Variants in PDE11A observed in about 807,000 individuals in gnomAD.
PDE11A encodes the protein phosphodiesterase 11A, also known as dual 3',5'-cyclic-AMP and -GMP phosphodiesterase 11A.
In PDE11A, 100 loss-of-function variants were observed where a neutral mutation model predicts 100.5. The observed-to-expected ratio is 1.00, with a 90% CI of 0.85 to 1.18. The LOEUF is 1.18. Ranked by LOEUF, PDE11A falls within the 50% of genes most tolerant of loss-of-function variation. PDE11A has a pLI of 0.00. For missense variants in PDE11A, 1,141 were observed against 1,152.6 expected (o/e 0.99, Z 0.15); for synonymous variants, 381 against 420.8 (o/e 0.91, Z 1.16).
chr2:177,885,731 A>G (rs1440677874), intron 4 of PDE11A, among the ~76,000 whole-genome samples: 1 of 152,166 alleles, frequency 6.6e-6, no homozygotes, highest in Non-Finnish European at 1.5e-5. Context: ...GAACAATCGG[A>G]GGATGCTCGC....
chr2:177,909,735 T>A (rs930343592), intron 2 of PDE11A, among the ~76,000 whole-genome samples: 1 of 152,196 alleles, frequency 6.6e-6, no homozygotes, highest in Non-Finnish European at 1.5e-5. Flanking sequence ...AGTTTTATTT[T>A]TTTTCCAAAG....
chr2:177,648,824 T>C (rs1244171291), intron 19 of PDE11A, among the ~76,000 whole-genome samples: 1 of 152,066 alleles, frequency 6.6e-6, no homozygotes, highest in Admixed American at 6.5e-5. Context: ...TGAAGAAAAC[T>C]AGGTAAGATA....
intron 9 of PDE11A, among the ~76,000 whole-genome samples, chr2:177,789,079 A>C (rs1490561583): frequency 6.6e-6 from 1 of 152,214 alleles, no homozygotes; most frequent in East Asian, 1.9e-4. Context: ...GGGCAGAGAC[A>C]CAACCAAAAA....
chr2:177,647,654 A>G (rs1257507366), intron 19 of PDE11A, among the ~76,000 whole-genome samples: 2 of 152,216 alleles, frequency 1.3e-5, no homozygotes, highest in Non-Finnish European at 2.9e-5. Context: ...GGGAGGAACC[A>G]TCAAGTCCAT....
At chr2:177,823,224 T>C (rs2083169745) in intron 6 of PDE11A, among the ~76,000 whole-genome samples, 1 of 152,162 alleles carries the variant, frequency 6.6e-6, no homozygotes, top group African/African-American at 2.4e-5. Context: ...TTGCTTAGTA[T>C]TGAGGATAGA....
chr2:177,774,396 A>C (rs889334936), intron 9 of PDE11A, among the ~76,000 whole-genome samples: 2 of 152,212 alleles, frequency 1.3e-5, no homozygotes, highest in Admixed American at 1.3e-4. Flanking sequence ...ATTTCTTGCC[A>C]ACAAATCCAT....
At position 178,065,578 on chromosome 2, in the gene PDE11A, A is replaced by G. The variant is rs186462176; in HGVS notation, c.912+5948T>C. Among the ~76,000 whole-genome samples the G allele has an allele frequency of 1.5e-3, 231 of 152,358 alleles. 2 individuals are homozygous for G. The highest frequency in any genetic ancestry group is 5.2e-3 in the African/African-American group (217 of 41,580). On this transcript the variant is annotated intron_variant, in intron 1 of 19. Transcript: ENST00000286063. ...TGTCAGGAAGAGAGGCTGAAATAGC[A>G]GAGTTTCCTACTTCAAACACAAAAT...
chr2:178,052,106 G>C (rs2086836219), intron 1 of PDE11A, among the ~76,000 whole-genome samples: 1 of 152,082 alleles, frequency 6.6e-6, no homozygotes, highest in Admixed American at 6.6e-5. Context: ...TGACCACATA[G>C]TTGGAAGTAC....
intron 19 of PDE11A, among the ~76,000 whole-genome samples, chr2:177,648,191 G>A (rs1027730150): frequency 6.6e-6 from 1 of 152,136 alleles, no homozygotes; most frequent in East Asian, 1.9e-4. Context: ...TATGTCTGAG[G>A]AGGATATTGT....
chr2:177,769,140 ACT>A (rs2082276921), intron 10 of PDE11A, among the ~76,000 whole-genome samples, 181 bp downstream of exon 10: 1 of 152,136 alleles, frequency 6.6e-6, no homozygotes. Flanking sequence ...TAAAATGACT[ACT>A]CAGTTATACA....
chr2:177,853,706 G>GTA (rs1558974064), intron 5 of PDE11A, among the ~76,000 whole-genome samples: 1 of 56,354 alleles, frequency 1.8e-5, no homozygotes, highest in African/African-American at 6.2e-5. Flanking sequence ...GTGTGTGTGT[G>GTA]TGTGTGTTTG....
intron 10 of PDE11A, among the ~76,000 whole-genome samples, chr2:177,759,453 A>T (rs771838947): frequency 1.3e-5 from 2 of 152,228 alleles, no homozygotes; most frequent in Non-Finnish European, 2.9e-5. Flanking sequence ...TGCCTTAAAC[A>T]TAAGACTTTA....
chr2:177,801,310 G>C (rs986951812), intron 9 of PDE11A, among the ~76,000 whole-genome samples: 1 of 151,962 alleles, frequency 6.6e-6, no homozygotes, highest in Non-Finnish European at 1.5e-5. Context: ...CTTGTCTACT[G>C]CCTGTCTTAC....
intron 9 of PDE11A, among the ~76,000 whole-genome samples, chr2:177,798,108 A>C (rs969348151): frequency 6.6e-6 from 1 of 152,128 alleles, no homozygotes; most frequent in East Asian, 1.9e-4. Flanking sequence ...AGTTCTCCCT[A>C]CTTTTACCTA....
chr2:177,672,920 A>T (rs755000835), intron 17 of PDE11A, among the ~76,000 whole-genome samples: 5 of 152,226 alleles, frequency 3.3e-5, no homozygotes, highest in Non-Finnish European at 7.3e-5. Context: ...ATCTGAATGA[A>T]TTAGGTAGTT....
chr2:177,649,022 T>C (rs1366673672), intron 19 of PDE11A, among the ~76,000 whole-genome samples: 1 of 152,100 alleles, frequency 6.6e-6, no homozygotes, highest in Non-Finnish European at 1.5e-5. Context: ...ACTAAAAATA[T>C]GATCATACTT....
chr2:177,969,017 C>T (rs2085734598), intron 2 of PDE11A, among the ~76,000 whole-genome samples: 1 of 152,088 alleles, frequency 6.6e-6, no homozygotes. Flanking sequence ...TGGAACCAAC[C>T]CAAATGTCCA....
At chr2:177,993,993 T>G (rs1389957993) in intron 2 of PDE11A, among the ~76,000 whole-genome samples, 1 of 148,596 alleles carries the variant, frequency 6.7e-6, no homozygotes, top group African/African-American at 2.5e-5. Flanking sequence ...TGAAGTGCAA[T>G]GGAGCAATCT....
intron 4 of PDE11A, among the ~76,000 whole-genome samples, chr2:177,893,921 C>G (rs1463317213): frequency 6.6e-6 from 1 of 152,010 alleles, no homozygotes; most frequent in Admixed American, 6.5e-5. Flanking sequence ...ATAACTTTGT[C>G]AAGTTTGAAA....
Sources: allele counts gnomAD v4.1 joint callset (sites outside exome capture counted in the v4.1 genomes callset), GRCh38; gene constraint gnomAD v4.1.1; transcripts MANE v1.5; gene names NCBI Gene and HGNC (gene_info 2026-07-23, HGNC 2026-07-21).